TTC27: variants seen among roughly 807,000 people sequenced by gnomAD.
TTC27 encodes the protein tetratricopeptide repeat protein 27.
TTC27 carries 79 observed loss-of-function variants against 115.9 expected under a neutral mutation model. The ratio of observed to expected loss-of-function variants is 0.68; its 90% CI spans 0.57 to 0.82. The LOEUF (loss-of-function observed/expected upper bound fraction) is 0.82. Ranked by LOEUF, TTC27 falls within the 40% of genes least tolerant of loss-of-function variation. The pLI, the probability that TTC27 is intolerant of heterozygous loss-of-function variation, is 0.00. For missense variants in TTC27, 1,054 were observed against 993.1 expected, an observed-to-expected ratio of 1.06 and a Z score of -0.82; for synonymous variants, 401 against 356.0, an observed-to-expected ratio of 1.13 and a Z score of -1.42.
chr2:32,677,797 T>C (rs939640903), intron 8 of TTC27, among the ~76,000 whole-genome samples: 1 of 152,214 alleles, frequency 6.6e-6, no homozygotes, highest in Non-Finnish European at 1.5e-5. Context: ...TAATTGATCC[T>C]GGATCAGCAA....
At chr2:32,765,011 A>T (rs1669576139) in intron 13 of TTC27, among the ~76,000 whole-genome samples, 1 of 152,184 alleles carries the variant, frequency 6.6e-6, no homozygotes, top group South Asian at 2.1e-4. Flanking sequence ...TGAAAGTTGG[A>T]ATCAGCTTCT....
intron 5 of TTC27, among the ~76,000 whole-genome samples, chr2:32,660,587 T>G (rs1665509611): frequency 6.7e-6 from 1 of 149,302 alleles, no homozygotes. Context: ...TCATGGGGGG[T>G]GGGGGACTAG....
At chr2:32,779,112 A>G (rs1287073464) in intron 14 of TTC27, among the ~76,000 whole-genome samples, 2 of 152,150 alleles carry the variant, frequency 1.3e-5, no homozygotes, top group Non-Finnish European at 2.9e-5. Flanking sequence ...GGTCCCAGCT[A>G]CTCAGGAGGC....
intron 3 of TTC27, among the ~76,000 whole-genome samples, chr2:32,637,524 G>T: frequency 6.6e-6 from 1 of 151,896 alleles, no homozygotes; most frequent in Non-Finnish European, 1.5e-5. Context: ...ATAGAGACGG[G>T]GTTTCACCTT....
intron 16 of TTC27, among the ~76,000 whole-genome samples, chr2:32,797,871 G>A (rs1005508185): frequency 4.5e-4 from 69 of 152,114 alleles, no homozygotes; most frequent in African/African-American, 1.6e-3. Context: ...ATCTGATAAG[G>A]GAATAATATC....
intron 2 of TTC27, among the ~76,000 whole-genome samples, chr2:32,631,070 G>T (rs1218076400): frequency 1.3e-5 from 2 of 152,148 alleles, no homozygotes; most frequent in African/African-American, 4.8e-5. Flanking sequence ...TTCGGAGGCC[G>T]AGGCGGGCGG....
At chr2:32,752,454 C>T (rs765623981) in intron 12 of TTC27, among the ~76,000 whole-genome samples, 5 of 152,138 alleles carry the variant, frequency 3.3e-5, no homozygotes, top group Non-Finnish European at 7.4e-5. Flanking sequence ...AGCAGTTGAG[C>T]AAATAATTTA....
chr2:32,646,217 A>G (rs1664853345), intron 4 of TTC27, among the ~76,000 whole-genome samples: 1 of 149,230 alleles, frequency 6.7e-6, no homozygotes. Flanking sequence ...TTTAGTAGAG[A>G]CGGGGTTTCA....
chr2:32,692,835 G>A (rs1032944181), intron 9 of TTC27, among the ~76,000 whole-genome samples: 6 of 152,034 alleles, frequency 3.9e-5, no homozygotes, highest in Admixed American at 2.6e-4. Flanking sequence ...AGTTAGCCAG[G>A]CGTCGTGGTG....
intron 1 of TTC27, among the ~76,000 whole-genome samples, chr2:32,628,743 T>C (rs113296818): frequency 0.014 from 280 of 20,106 alleles, 1 homozygote; most frequent in African/African-American, 0.055. Context: ...TTTTATCTAT[T>C]TATTTATTTA....
chr2:32,745,681 A>C (rs1401605645), intron 12 of TTC27, among the ~76,000 whole-genome samples: 1 of 150,134 alleles, frequency 6.7e-6, no homozygotes, highest in East Asian at 1.9e-4. Context: ...AAAAAAAAAT[A>C]ATAATAAATA....
intron 19 of TTC27, among the ~76,000 whole-genome samples, chr2:32,819,980 A>G (rs1671627375): frequency 6.6e-6 from 1 of 152,210 alleles, no homozygotes; most frequent in Non-Finnish European, 1.5e-5. Context: ...AGGCTAGGTT[A>G]TTTTCCTAAA....
chr2:32,733,734 G>A, intron 10 of TTC27, 94 bp from the exon 11 acceptor site: 1 of 680,778 alleles, frequency 1.5e-6, no homozygotes, highest in South Asian at 3.1e-5. Flanking sequence ...GTTCTTTGTT[G>A]TTTATATGTG....
At chr2:32,690,650 G>T (rs185652564) in intron 9 of TTC27, among the ~76,000 whole-genome samples, 2 of 152,270 alleles carry the variant, frequency 1.3e-5, no homozygotes, top group East Asian at 3.9e-4. Context: ...TTGTATTTGG[G>T]TCCTTTTGTT....
chr2:32,777,893 G>GT lies in TTC27; in HGVS notation c.1696dup (p.Ser566PhefsTer29). 1 of 1,613,994 alleles carries GT rather than the reference G, an allele frequency of 6.2e-7. No homozygotes were observed. Among genetic ancestry groups the GT allele is most frequent in the Non-Finnish European group, 8.5e-7 (1 of 1,179,958 alleles). On this transcript the variant is annotated frameshift_variant, in exon 14 of 20. Transcript: ENST00000317907. LOFTEE classifies it high-confidence loss of function. Reference sequence around the variant, plus strand: ...TTTGGTCTTTGCAGCTCGGGGTGTGGTTTTCTCTCGGTTGTGCCTATTTGG... The same window carrying GT: ...TTTGGTCTTTGCAGCTCGGGGTGTGGTTTTTCTCTCGGTTGTGCCTATTTGG...
At chr2:32,798,713 A>AAAAAAAAAAAAT (rs1368512271) in intron 16 of TTC27, among the ~76,000 whole-genome samples, 6 of 142,352 alleles carry the variant, frequency 4.2e-5, no homozygotes, top group African/African-American at 1.6e-4. Context: ...TCAAAAAAAA[A>AAAAAAAAAAAAT]AATAATAATA....
At chr2:32,732,755 C>T (rs1228860648) in intron 10 of TTC27, among the ~76,000 whole-genome samples, 1 of 152,110 alleles carries the variant, frequency 6.6e-6, no homozygotes, top group Non-Finnish European at 1.5e-5. Flanking sequence ...AATATGAGAA[C>T]GACATTCTCC....
At chr2:32,816,852 T>C (rs992686102) in intron 18 of TTC27, among the ~76,000 whole-genome samples, 7 of 152,192 alleles carry the variant, frequency 4.6e-5, no homozygotes, top group South Asian at 2.1e-4. Flanking sequence ...GAAGTCCCCA[T>C]TGGGGACTTG....
chr2:32,783,872 T>C (rs574161139), intron 15 of TTC27, among the ~76,000 whole-genome samples: 3 of 152,346 alleles, frequency 2.0e-5, no homozygotes, highest in East Asian at 3.9e-4. Context: ...TATTTGGCCT[T>C]ACTTTCAAAC....
Sources: gnomAD v4.1 joint callset for allele counts (sites outside exome capture counted in the v4.1 genomes callset) on GRCh38, gnomAD v4.1.1 for gene constraint, MANE v1.5 for transcripts, NCBI Gene and HGNC (gene_info 2026-07-23, HGNC 2026-07-21) for gene names.